The following DNAH9 variants were observed in gnomAD, a reference collection of about 807,000 sequenced individuals.
The protein encoded by DNAH9 is DNAH9 variant protein.
DNAH9 carries 345 observed loss-of-function variants against 471.6 expected under a neutral mutation model. That is an observed-to-expected ratio of 0.73 (90% CI 0.67 to 0.80). The LOEUF (loss-of-function observed/expected upper bound fraction) is 0.80. DNAH9 is among the 30% of genes least tolerant of loss of function. DNAH9 has a pLI of 0.00. For missense variants in DNAH9, 5,407 were observed against 5,609.2 expected (o/e 0.96, Z 1.15); for synonymous variants, 2,093 against 2,123.6 (o/e 0.99, Z 0.40).
chr17:11,721,698 TGAGA>T (rs1324490493), intron 27 of DNAH9, among the ~76,000 whole-genome samples: 2 of 151,588 alleles, frequency 1.3e-5, no homozygotes, highest in Admixed American at 1.3e-4. Flanking sequence ...GAATGATTGA[TGAGA>T]GAGAGAAAGA....
At chr17:11,880,247 G>A in intron 54 of DNAH9, 47 bp downstream of exon 54, 1 of 1,603,448 alleles carries the variant, frequency 6.2e-7, no homozygotes, top group Non-Finnish European at 8.5e-7. Flanking sequence ...GCTGGTTCAT[G>A]GCCCTGGTTA....
chr17:11,652,910 T>G lies in DNAH9; in HGVS notation c.2503T>G (p.Ser835Ala). The G allele has an allele frequency of 6.2e-7, 1 of 1,614,030 alleles. No homozygotes were observed. The highest frequency in any genetic ancestry group is 1.1e-5 in the South Asian group (1 of 91,078). The change falls in exon 14 of 69, where the codon TCC becomes GCC. Residue 835 changes from serine to alanine, a missense_variant. By Grantham distance (99) the Ser-to-Ala change is moderately conservative (BLOSUM62 1). Coordinates refer to ENST00000262442, the MANE Select transcript of DNAH9 (RefSeq NM_001372.4). ...IFKTKDGKRESLLSLDDRHDR... is the reference protein window; with the variant it reads ...IFKTKDGKREALLSLDDRHDR... ...TAAGACAAAAGATGGAAAAAGGGAA[T>G]CCCTTCTTTCTCTGGATGATCGGCA...
rs532239091 is a variant in DNAH9, at chr17:11,854,223, C to T, written c.9728C>T (p.Pro3243Leu). 157 of 1,614,162 alleles carry T rather than the reference C, an allele frequency of 9.7e-5. No individual in the cohort carries two copies. In the South Asian group the frequency reaches 1.1e-3, roughly 11 times the overall value. ...GAGAACTGCCTCAAAGCCATCAGGC[C>T]GTATCTGCAAGACCCCGAGTTCAAT... is the stretch of plus-strand genomic sequence containing the variant. The part of the protein sequence containing the change: ...IHENCLKAIR[P>L]YLQDPEFNPE... Residue 3243 changes from proline (P) to leucine (L), a missense_variant, in exon 50 of 69, where the codon CCG (proline) becomes CTG (leucine). Physicochemically the swap from Pro to Leu is moderately conservative, Grantham distance 98 (BLOSUM62 -3). Coordinates refer to ENST00000262442, the MANE Select transcript of DNAH9 (RefSeq NM_001372.4).
chr17:11,795,759 C>G (rs1969217745), intron 42 of DNAH9, among the ~76,000 whole-genome samples: 1 of 152,174 alleles, frequency 6.6e-6, no homozygotes, highest in Non-Finnish European at 1.5e-5. Context: ...AGAGTAATAA[C>G]ACTTGAACTT....
chr17:11,848,402 C>G (rs1030836077), intron 49 of DNAH9, among the ~76,000 whole-genome samples: 1 of 151,504 alleles, frequency 6.6e-6, no homozygotes, highest in Non-Finnish European at 1.5e-5. Flanking sequence ...TTAATCTATC[C>G]TTTTTTTTAT....
chr17:11,821,130 A>G (rs1247528229), intron 45 of DNAH9, among the ~76,000 whole-genome samples: 1 of 151,784 alleles, frequency 6.6e-6, no homozygotes, highest in Non-Finnish European at 1.5e-5. Flanking sequence ...TAAAAATACA[A>G]AAAAAATTAG....
chr17:11,810,653 T>C (rs1013408236), intron 45 of DNAH9, among the ~76,000 whole-genome samples: 5 of 152,130 alleles, frequency 3.3e-5, no homozygotes, highest in African/African-American at 1.2e-4. Flanking sequence ...AAGAGCTTGG[T>C]GATGTGCTGT....
In DNAH9 at chr17:11,942,499, T is replaced by C; in HGVS notation, c.12843+14T>C. On this transcript the variant is annotated intron_variant, in intron 67 of 68. Transcript: ENST00000262442. ...CTCGGCTTAAAGGTGAGCGCGGTCTTGTAAGGCATGGAGGGGACATTGCTA... is the reference window on the plus strand; with the variant it reads ...CTCGGCTTAAAGGTGAGCGCGGTCTCGTAAGGCATGGAGGGGACATTGCTA... 6.2e-7 allele frequency: 1 copy of C among 1,609,076 alleles called. No homozygotes were observed. The highest frequency in any genetic ancestry group is 2.2e-5 in the East Asian group (1 of 44,784).
intron 52 of DNAH9, 55 bp from the exon 53 acceptor site, chr17:11,874,894 A>T (rs959367991): frequency 2.3e-6 from 3 of 1,324,424 alleles, no homozygotes; most frequent in Non-Finnish European, 3.2e-6. Flanking sequence ...CATTCATCCC[A>T]GCTGAGAATG....
chr17:11,747,254 CT>C (rs759915933), intron 31 of DNAH9, among the ~76,000 whole-genome samples: 20 of 152,178 alleles, frequency 1.3e-4, no homozygotes, highest in Non-Finnish European at 2.5e-4. Context: ...GTCCACATGA[CT>C]TTCTTCTCCA....
chr17:11,805,614 C>T (rs1234487729), intron 43 of DNAH9, among the ~76,000 whole-genome samples: 1 of 120,474 alleles, frequency 8.3e-6, no homozygotes. Context: ...GTGGAGCGAT[C>T]TTGGCTCACT....
At chr17:11,619,253 A>G (rs1019229862) in intron 5 of DNAH9, among the ~76,000 whole-genome samples, 2 of 146,932 alleles carry the variant, frequency 1.4e-5, no homozygotes, top group African/African-American at 5.1e-5. Flanking sequence ...GTCACAAAAG[A>G]ATACCTGGGA....
At chr17:11,837,003 A>G (rs148740881) in intron 49 of DNAH9, among the ~76,000 whole-genome samples, 1,630 of 152,280 alleles carry the variant, frequency 0.011, 23 homozygotes, top group African/African-American at 0.036. Flanking sequence ...CATTCCCATT[A>G]CGTTGTTACA....
chr17:11,779,196 G>A (rs925634937), intron 38 of DNAH9, among the ~76,000 whole-genome samples: 1 of 152,086 alleles, frequency 6.6e-6, no homozygotes, highest in Non-Finnish European at 1.5e-5. Context: ...TTGGGCCTGG[G>A]CTCCAGGTGT....
chr17:11,718,741 G>A (rs538682922), intron 26 of DNAH9, among the ~76,000 whole-genome samples: 2 of 152,124 alleles, frequency 1.3e-5, no homozygotes, highest in Admixed American at 6.6e-5. Context: ...CTACCTTCAT[G>A]AACCCTATGA....
intron 44 of DNAH9, among the ~76,000 whole-genome samples, chr17:11,808,912 G>A (rs980429017): frequency 2.0e-4 from 30 of 152,136 alleles, no homozygotes; most frequent in Non-Finnish European, 3.5e-4. Flanking sequence ...TAGAGGATGC[G>A]ATGAGAACCA....
chr17:11,851,318 A>G (rs1185725024), intron 49 of DNAH9, among the ~76,000 whole-genome samples: 2 of 152,064 alleles, frequency 1.3e-5, no homozygotes, highest in Non-Finnish European at 2.9e-5. Flanking sequence ...GGTTTTCACC[A>G]TGTTGGCCAG....
intron 50 of DNAH9, among the ~76,000 whole-genome samples, chr17:11,857,686 TG>T (rs1185695246): frequency 2.0e-5 from 3 of 152,216 alleles, no homozygotes; most frequent in Non-Finnish European, 4.4e-5. Flanking sequence ...CATGTTGAAT[TG>T]TAATCCCCAG....
chr17:11,922,851 GA>G (rs1442995731), intron 61 of DNAH9, among the ~76,000 whole-genome samples: 6 of 152,124 alleles, frequency 3.9e-5, no homozygotes, highest in South Asian at 2.1e-4. Context: ...TATTTATTCA[GA>G]GGACAAGGCA....
Sources: gnomAD v4.1 joint callset for allele counts (sites outside exome capture counted in the v4.1 genomes callset) on GRCh38, gnomAD v4.1.1 for gene constraint, MANE v1.5 for transcripts, NCBI Gene and HGNC (gene_info 2026-07-23, HGNC 2026-07-21) for gene names.